Variants in GSG1L observed in about 807,000 individuals in gnomAD.
GSG1L encodes germ cell-specific gene 1-like protein.
A neutral mutation model predicts 42.1 loss-of-function variants in GSG1L; 24 were observed. The ratio of observed to expected loss-of-function variants is 0.57; its 90% confidence interval spans 0.41 to 0.80. GSG1L has a LOEUF of 0.80. Ranked by LOEUF, GSG1L falls within the 30% of genes least tolerant of loss-of-function variation. The pLI is 0.00. For synonymous variants in GSG1L, 215 were observed against 203.5 expected, an observed-to-expected ratio of 1.06 and a Z score of -0.48; for missense variants, 445 against 472.2, an observed-to-expected ratio of 0.94 and a Z score of 0.53.
At chr16:27,929,456 G>A (rs928489158) in intron 2 of GSG1L, among the ~76,000 whole-genome samples, 8 of 152,168 alleles carry the variant, frequency 5.3e-5, no homozygotes, top group African/African-American at 7.2e-5. Context: ...TGTGGGTGCC[G>A]CTAAGGAAGA....
chr16:27,815,739 A>G (rs1709783), intron 5 of GSG1L, among the ~76,000 whole-genome samples: 101,673 of 152,080 alleles, frequency 0.67, 34,451 homozygotes, highest in African/African-American at 0.78. Context: ...TCTTCTGGTT[A>G]TTATAAGGAT....
At chr16:28,008,462 G>A (rs1432562248) in intron 1 of GSG1L, among the ~76,000 whole-genome samples, 4 of 152,200 alleles carry the variant, frequency 2.6e-5, no homozygotes, top group African/African-American at 7.2e-5. Flanking sequence ...GTTAAGAGGG[G>A]TCCAGCATGA....
intron 2 of GSG1L, among the ~76,000 whole-genome samples, chr16:27,909,913 C>T (rs1040348551): frequency 2.6e-5 from 4 of 151,598 alleles, no homozygotes; most frequent in African/African-American, 9.7e-5. Context: ...ATGTAACTTG[C>T]CCATGAGCAC....
chr16:27,937,289 G>A (rs1342415893), intron 2 of GSG1L, among the ~76,000 whole-genome samples: 1 of 151,856 alleles, frequency 6.6e-6, no homozygotes, highest in Non-Finnish European at 1.5e-5. Context: ...CCAGGCTGGA[G>A]TGCAGTGGTG....
At chr16:27,986,502 C>A (rs2085384696) in intron 1 of GSG1L, among the ~76,000 whole-genome samples, 1 of 35,546 alleles carries the variant, frequency 2.8e-5, no homozygotes, top group Non-Finnish European at 5.2e-5. Flanking sequence ...CGAGACTCCG[C>A]CTCAAAAAAA....
chr16:27,806,185 T>A (rs1218617438), intron 6 of GSG1L, among the ~76,000 whole-genome samples: 1 of 152,128 alleles, frequency 6.6e-6, no homozygotes, highest in African/African-American at 2.4e-5. Context: ...AGCACAGACA[T>A]GAAACCATGA....
chr16:27,966,180 C>T (rs1336378319), intron 1 of GSG1L, among the ~76,000 whole-genome samples: 1 of 152,218 alleles, frequency 6.6e-6, no homozygotes, highest in African/African-American at 2.4e-5. Flanking sequence ...GGAGGCCTTT[C>T]CATTTAATCT....
At position 27,836,070 on chromosome 16, in the gene GSG1L, G is replaced by A. The variant is rs117515895; in HGVS notation, c.663-7114C>T. 9.6e-3 allele frequency among the ~76,000 whole-genome samples: 1,458 copies of A among 152,132 alleles called. 5 individuals are homozygous for A. The highest frequency in any genetic ancestry group is 0.015 in the Non-Finnish European group (995 of 67,988). The stretch of plus-strand genomic sequence containing the variant: ...TAGTTTTTCTTCATCTGAGGATGTC[G>A]TGATTTCCCCTTCATTTCTAAAGTA... On this transcript the variant is annotated intron_variant, in intron 4 of 6. Coordinates refer to ENST00000447459, the MANE Select transcript of GSG1L (RefSeq NM_001109763.2).
At chr16:27,853,125 A>AAC (rs2083534926) in intron 3 of GSG1L, among the ~76,000 whole-genome samples, 1 of 152,216 alleles carries the variant, frequency 6.6e-6, no homozygotes, top group South Asian at 2.1e-4. Context: ...CATGAGACCA[A>AAC]TCGGCTGGGG....
At chr16:27,845,981 C>T (rs12445204) in intron 3 of GSG1L, among the ~76,000 whole-genome samples, 1 of 151,840 alleles carries the variant, frequency 6.6e-6, no homozygotes, top group East Asian at 1.9e-4. Context: ...GGGCTCACTG[C>T]AAGCTCCACC....
intron 2 of GSG1L, among the ~76,000 whole-genome samples, chr16:27,924,444 A>G (rs1350763088): frequency 6.6e-6 from 1 of 152,220 alleles, no homozygotes; most frequent in Non-Finnish European, 1.5e-5. Flanking sequence ...AAAAATTTGC[A>G]TACATTTTTA....
intron 2 of GSG1L, among the ~76,000 whole-genome samples, chr16:27,946,158 CCT>C (rs1332330229): frequency 6.6e-6 from 1 of 152,228 alleles, no homozygotes; most frequent in Admixed American, 6.5e-5. Context: ...TGCTGTGTGA[CCT>C]CAGGCAAGTG....
intron 2 of GSG1L, among the ~76,000 whole-genome samples, chr16:27,894,636 T>C (rs2084169165): frequency 6.6e-6 from 1 of 152,130 alleles, no homozygotes; most frequent in Non-Finnish European, 1.5e-5. Flanking sequence ...TGGCAGCTGC[T>C]GTTTGCAAAA....
At chr16:27,947,390 A>AAGAAAG (rs2084887142) in intron 2 of GSG1L, among the ~76,000 whole-genome samples, 3 of 94,010 alleles carry the variant, frequency 3.2e-5, no homozygotes, top group Admixed American at 1.1e-4. Flanking sequence ...AAGAAAAAGA[A>AAGAAAG]AGAAAGAAAG....
chr16:27,824,033 TTATCA>T, intron 5 of GSG1L: 1 of 665,698 alleles, frequency 1.5e-6, no homozygotes, highest in South Asian at 1.6e-5. Context: ...AATAACGAGA[TTATCA>T]GCCATGCTTC....
At chr16:27,961,068 C>T (rs2085065338) in intron 2 of GSG1L, among the ~76,000 whole-genome samples, 1 of 152,220 alleles carries the variant, frequency 6.6e-6, no homozygotes, top group Non-Finnish European at 1.5e-5. Flanking sequence ...CACACGCACT[C>T]ACATGGGCAC....
At chr16:27,998,237 A>C (rs1481180133) in intron 1 of GSG1L, 1 of 152,200 alleles carries the variant, frequency 6.6e-6, no homozygotes, top group African/African-American at 2.4e-5. Flanking sequence ...CCCATTTATA[A>C]GTAAGAACAT....
At chr16:27,947,507 GA>G in intron 2 of GSG1L, among the ~76,000 whole-genome samples, 3 of 145,346 alleles carry the variant, frequency 2.1e-5, no homozygotes, top group African/African-American at 7.6e-5. Flanking sequence ...GAGAAAGAAA[GA>G]AGGAAAGAAA....
intron 1 of GSG1L, among the ~76,000 whole-genome samples, chr16:27,985,470 CAGCAGA>C (rs2085371555): frequency 6.6e-6 from 1 of 152,216 alleles, no homozygotes. Context: ...CCTGCAGTCT[CAGCAGA>C]AGCAGAAGCT....
Sources: allele counts gnomAD v4.1 joint callset (sites outside exome capture counted in the v4.1 genomes callset), GRCh38; gene constraint gnomAD v4.1.1; transcripts MANE v1.5; gene names NCBI Gene and HGNC (gene_info 2026-07-23, HGNC 2026-07-21).